TPRG1: variants seen among roughly 807,000 people sequenced by gnomAD.
The protein encoded by TPRG1 is tumor protein p63 regulated 1.
In TPRG1, 29 loss-of-function variants were observed where a neutral mutation model predicts 29.3. That is an observed-to-expected ratio of 0.99 (90% CI 0.74 to 1.35). The LOEUF (loss-of-function observed/expected upper bound fraction) is 1.35, where lower values mean the gene tolerates loss of function less well. Among genes scored for constraint, TPRG1 ranks in the 40% most tolerant of loss-of-function variants. The pLI is 0.00. For missense variants in TPRG1, 327 were observed against 335.0 expected (o/e 0.98, Z 0.19); for synonymous variants, 130 against 116.8 (o/e 1.11, Z -0.73).
intron 3 of TPRG1, among the ~76,000 whole-genome samples, chr3:189,018,658 G>T (rs1168600070): frequency 6.6e-6 from 1 of 151,218 alleles, no homozygotes; most frequent in Non-Finnish European, 1.5e-5. Context: ...TTGAAGTCAG[G>T]TAGTGTGATG....
At chr3:189,160,115 G>A (rs960400428) in intron 5 of TPRG1, among the ~76,000 whole-genome samples, 2 of 152,130 alleles carry the variant, frequency 1.3e-5, no homozygotes, top group Admixed American at 6.5e-5. Flanking sequence ...GAGCTGAGAT[G>A]GGCTGCAGCC....
chr3:189,254,844 A>G (rs536638041), intron 4 of TPRG1, among the ~76,000 whole-genome samples: 53 of 152,164 alleles, frequency 3.5e-4, no homozygotes, highest in African/African-American at 7.9e-4. Flanking sequence ...GGCGTATAGG[A>G]ATGCTTGTGA....
chr3:189,142,125 G>GGAAA (rs1298834329), intron 3 of TPRG1, among the ~76,000 whole-genome samples: 5 of 152,210 alleles, frequency 3.3e-5, no homozygotes, highest in Non-Finnish European at 5.9e-5. Context: ...AATGTGCAGA[G>GGAAA]GAAAGACAGG....
At chr3:189,104,491 C>T (rs1378499167) in intron 1 of TPRG1, among the ~76,000 whole-genome samples, 1 of 152,022 alleles carries the variant, frequency 6.6e-6, no homozygotes, top group Non-Finnish European at 1.5e-5. Flanking sequence ...AGACTTAAGT[C>T]AACATAAATA....
At chr3:189,284,354 CT>C (rs1717685733) in intron 4 of TPRG1, among the ~76,000 whole-genome samples, 3 of 114,802 alleles carry the variant, frequency 2.6e-5, no homozygotes, top group East Asian at 3.1e-4. Flanking sequence ...CTCCCCCCCC[CT>C]CCCCCCACCC....
chr3:189,078,274 A>G (rs1717360483), intron 4 of TPRG1, among the ~76,000 whole-genome samples: 1 of 151,278 alleles, frequency 6.6e-6, no homozygotes, highest in Admixed American at 6.6e-5. Context: ...AGTAGCTGGG[A>G]CTACAGGTGT....
Position 189,056,080 on chromosome 3 carries a change from C to T in TPRG1, c.-463+32134C>T, listed in dbSNP as rs577811810. Reference sequence around the variant, plus strand: ...TCCTTCCTTCCTTCCTTCCTTCCTTCCTTCCTTCCTTCCTTCCTTCCCTCT... The same window carrying T: ...TCCTTCCTTCCTTCCTTCCTTCCTTTCTTCCTTCCTTCCTTCCTTCCCTCT... On this transcript the variant is annotated intron_variant, in intron 4 of 10. Transcript: ENST00000433971. 1.3e-3 allele frequency among the ~76,000 whole-genome samples: 163 copies of T among 128,190 alleles called. 1 individual carries two copies. Among genetic ancestry groups the T allele is most frequent in the Non-Finnish European group, 1.0e-3 (63 of 62,112 alleles). 84.1% of individuals were successfully genotyped at this position (128,190 alleles called of 152,430 possible).
rs1034028644 is a variant in TPRG1 at position 189,053,597 on chromosome 3, T to A, written c.-463+29651T>A. ...CTCCTCCCTAATTTCTGTTTTCCCA[T>A]ATGTGGTTACATTTCTTCTCTGCTA... On this transcript the variant is annotated intron_variant, in intron 4 of 10. Transcript: ENST00000433971. Among the ~76,000 whole-genome samples the A allele has an allele frequency of 5.9e-5, 9 of 152,198 alleles. No individual in the cohort carries two copies. In the East Asian group the frequency reaches 1.7e-3, roughly 29 times the overall value.
intron 4 of TPRG1, among the ~76,000 whole-genome samples, chr3:189,281,756 C>T (rs1378993676): frequency 6.6e-6 from 1 of 152,112 alleles, no homozygotes; most frequent in Non-Finnish European, 1.5e-5. Context: ...ATGACTTTAC[C>T]TTTCTGGTTT....
At chr3:189,056,066 T>TTCCC (rs1367131817) in intron 4 of TPRG1, among the ~76,000 whole-genome samples, 1 of 124,554 alleles carries the variant, frequency 8.0e-6, no homozygotes, top group African/African-American at 3.0e-5. Flanking sequence ...CCTTCCTTCC[T>TTCCC]TCCTTCCTTC....
chr3:189,181,970 G>A (rs1480707668), intron 1 of TPRG1, among the ~76,000 whole-genome samples: 1 of 152,178 alleles, frequency 6.6e-6, no homozygotes, highest in Non-Finnish European at 1.5e-5. Flanking sequence ...TTACATGGAT[G>A]GCAGCAGACA....
chr3:189,293,862 C>A (rs1237131822), intron 4 of TPRG1, among the ~76,000 whole-genome samples: 1 of 152,184 alleles, frequency 6.6e-6, no homozygotes, highest in Non-Finnish European at 1.5e-5. Flanking sequence ...ATTTAATCGT[C>A]ACAAGTCAAA....
intron 1 of TPRG1, among the ~76,000 whole-genome samples, chr3:189,118,692 G>A (rs545770177): frequency 1.5e-4 from 23 of 152,372 alleles, no homozygotes; most frequent in African/African-American, 4.1e-4. Context: ...GCTTCAGCGA[G>A]TGCAAACCCC....
intron 4 of TPRG1, among the ~76,000 whole-genome samples, chr3:189,025,618 G>A (rs866534589): frequency 6.6e-6 from 1 of 152,184 alleles, no homozygotes; most frequent in South Asian, 2.1e-4. Flanking sequence ...AGCGAATTGT[G>A]TGTGGTATGA....
chr3:189,152,047 C>T (rs961492369), intron 5 of TPRG1, among the ~76,000 whole-genome samples: 2 of 152,100 alleles, frequency 1.3e-5, no homozygotes, highest in African/African-American at 4.8e-5. Flanking sequence ...CTGGATTGAG[C>T]AGATGTGCAT....
intron 4 of TPRG1, among the ~76,000 whole-genome samples, chr3:189,091,603 A>C (rs1456970177): frequency 6.6e-6 from 1 of 152,152 alleles, no homozygotes; most frequent in Non-Finnish European, 1.5e-5. Flanking sequence ...AACATATATT[A>C]AAAATTATTT....
chr3:189,226,797 CAAAA>C (rs1175619202), intron 3 of TPRG1, among the ~76,000 whole-genome samples: 2 of 81,760 alleles, frequency 2.4e-5, no homozygotes, highest in African/African-American at 8.9e-5. Flanking sequence ...GCAAGGCTGA[CAAAA>C]AAAAAAAAAA....
intron 4 of TPRG1, among the ~76,000 whole-genome samples, chr3:189,272,558 G>A (rs1248426435): frequency 6.6e-6 from 1 of 152,032 alleles, no homozygotes; most frequent in Non-Finnish European, 1.5e-5. Flanking sequence ...CTCAGTAGTA[G>A]AAGATTAAGC....
At chr3:189,264,075 A>T (rs1198237760) in intron 4 of TPRG1, among the ~76,000 whole-genome samples, 1 of 152,214 alleles carries the variant, frequency 6.6e-6, no homozygotes, top group Non-Finnish European at 1.5e-5. Flanking sequence ...AACTGGAAAT[A>T]AGAAAATTTG....
Sources: gnomAD v4.1 joint callset for allele counts (sites outside exome capture counted in the v4.1 genomes callset) on GRCh38, gnomAD v4.1.1 for gene constraint, MANE v1.5 for transcripts, NCBI Gene and HGNC (gene_info 2026-07-23, HGNC 2026-07-21) for gene names.